Variants in TNIK observed in about 807,000 individuals in gnomAD.
The protein encoded by TNIK is TRAF2 and NCK-interacting protein kinase.
A neutral mutation model predicts 191.3 loss-of-function variants in TNIK; 49 were observed. The observed-to-expected ratio is 0.26, with a 90% CI of 0.20 to 0.32. The LOEUF (loss-of-function observed/expected upper bound fraction) is 0.32. Ranked by LOEUF, TNIK falls within the 10% of genes least tolerant of loss-of-function variation. The probability of loss-of-function intolerance (pLI) is 1.00; values close to 1 mark genes in which losing one functional copy is unlikely to be tolerated. For synonymous variants in TNIK, 594 were observed against 600.9 expected, an observed-to-expected ratio of 0.99 and a Z score of 0.17; for missense variants, 1,155 against 1,702.3, an observed-to-expected ratio of 0.68 and a Z score of 5.66.
intron 1 of TNIK, among the ~76,000 whole-genome samples, chr3:171,459,233 C>G (rs924152872): frequency 6.6e-6 from 1 of 152,038 alleles, no homozygotes; most frequent in Non-Finnish European, 1.5e-5. Flanking sequence ...CAGACACACA[C>G]ACACACACAC....
chr3:171,263,366 G>A (rs960065653), intron 2 of TNIK, among the ~76,000 whole-genome samples: 1 of 152,132 alleles, frequency 6.6e-6, no homozygotes, highest in African/African-American at 2.4e-5. Flanking sequence ...AATAAATCAA[G>A]AATCAGAGCA....
At chr3:171,089,632 AC>A (rs1721814678) in intron 23 of TNIK, among the ~76,000 whole-genome samples, 2 of 152,100 alleles carry the variant, frequency 1.3e-5, no homozygotes, top group Non-Finnish European at 2.9e-5. Context: ...CTGAGTCATC[AC>A]CCTTTTGTTC....
intron 15 of TNIK, among the ~76,000 whole-genome samples, chr3:171,132,181 T>C (rs1481814954): frequency 6.6e-6 from 1 of 152,200 alleles, no homozygotes; most frequent in African/African-American, 2.4e-5. Context: ...GTGAAGGTGC[T>C]AGACCATAAC....
At chr3:171,456,245 A>G (rs1728784864) in intron 1 of TNIK, among the ~76,000 whole-genome samples, 1 of 152,302 alleles carries the variant, frequency 6.6e-6, no homozygotes, top group East Asian at 1.9e-4. Context: ...TAATCTCCAA[A>G]AAGCTTTCTG....
chr3:171,401,587 G>A (rs1720966464), intron 1 of TNIK, among the ~76,000 whole-genome samples: 1 of 151,968 alleles, frequency 6.6e-6, no homozygotes, highest in African/African-American at 2.4e-5. Context: ...AATAGTCTCT[G>A]TGCACTGCTC....
intron 6 of TNIK, 50 bp downstream of exon 6, chr3:171,190,647 T>C (rs879100896): frequency 7.1e-7 from 1 of 1,414,260 alleles, no homozygotes; most frequent in South Asian, 1.3e-5. Flanking sequence ...GCTGTTAATA[T>C]AATCTCATCA....
At chr3:171,365,561 G>T (rs982881049) in intron 2 of TNIK, among the ~76,000 whole-genome samples, 13 of 151,992 alleles carry the variant, frequency 8.6e-5, no homozygotes, top group Admixed American at 8.5e-4. Context: ...GGGTTGAAAT[G>T]GTAAACATTT....
At chr3:171,361,294 C>T (rs548461428) in intron 2 of TNIK, among the ~76,000 whole-genome samples, 17 of 152,318 alleles carry the variant, frequency 1.1e-4, no homozygotes, top group African/African-American at 2.9e-4. Context: ...GTGAAGGCTG[C>T]GAACCACTAG....
chr3:171,334,876 T>C (rs1486944385), intron 2 of TNIK, among the ~76,000 whole-genome samples: 1 of 19,042 alleles, frequency 5.3e-5, no homozygotes, highest in African/African-American at 2.8e-4. Flanking sequence ...TATAAGTTTC[T>C]TTTTTTTTTT....
intron 1 of TNIK, among the ~76,000 whole-genome samples, chr3:171,424,011 C>G (rs1396466659): frequency 6.6e-6 from 1 of 152,146 alleles, no homozygotes; most frequent in Non-Finnish European, 1.5e-5. Flanking sequence ...AGAGCTTCTG[C>G]ACAGCAAAAG....
intron 7 of TNIK, among the ~76,000 whole-genome samples, chr3:171,179,768 G>C (rs1383686588): frequency 6.6e-6 from 1 of 152,126 alleles, no homozygotes; most frequent in Non-Finnish European, 1.5e-5. Context: ...GGGTTTTATG[G>C]TTGATAGACA....
intron 2 of TNIK, among the ~76,000 whole-genome samples, chr3:171,339,857 A>G (rs1757339537): frequency 6.6e-6 from 1 of 152,222 alleles, no homozygotes; most frequent in Admixed American, 6.5e-5. Context: ...GGCATACACC[A>G]GCTCATGGGC....
intron 25 of TNIK, among the ~76,000 whole-genome samples, chr3:171,084,578 A>G (rs562835028): frequency 9.2e-5 from 14 of 152,326 alleles, no homozygotes; most frequent in African/African-American, 3.1e-4. Flanking sequence ...AAAGTCCCAA[A>G]TTAAATACAC....
intron 2 of TNIK, among the ~76,000 whole-genome samples, chr3:171,352,039 T>C (rs1713293850): frequency 6.6e-6 from 1 of 152,182 alleles, no homozygotes; most frequent in African/African-American, 2.4e-5. Flanking sequence ...CCTGGGAGTC[T>C]CGTTAAAAAG....
chr3:171,325,949 C>T lies in TNIK; in HGVS notation c.123+43671G>A, dbSNP rs141894852. The stretch of plus-strand genomic sequence containing the variant: ...CTTGCAGAATTGTGCCCACTCTTCT[C>T]GAGCCTCATCTGCTCTATCCAGAAT... On this transcript the variant is annotated intron_variant, in intron 2 of 32. Transcript: ENST00000436636. 5.1e-3 allele frequency among the ~76,000 whole-genome samples: 773 copies of T among 152,276 alleles called. 8 individuals carry two copies. Among genetic ancestry groups the T allele is most frequent in the Non-Finnish European group, 8.2e-3 (560 of 68,028 alleles).
At chr3:171,202,681 A>G (rs1392245877) in intron 4 of TNIK, among the ~76,000 whole-genome samples, 3 of 152,244 alleles carry the variant, frequency 2.0e-5, no homozygotes, top group Non-Finnish European at 4.4e-5. Context: ...TTCATAAAAT[A>G]GCTCTATTAA....
chr3:171,282,333 GGTTTTTT>G (rs1354138534), intron 2 of TNIK, among the ~76,000 whole-genome samples: 4 of 109,678 alleles, frequency 3.6e-5, no homozygotes, highest in South Asian at 2.6e-4. Flanking sequence ...TTCTCTTAAT[GGTTTTTT>G]GTTTTTTTTT....
At chr3:171,381,725 A>G (rs532811116) in intron 1 of TNIK, among the ~76,000 whole-genome samples, 21 of 152,316 alleles carry the variant, frequency 1.4e-4, no homozygotes, top group African/African-American at 4.6e-4. Flanking sequence ...AATGGTATGT[A>G]AGCAGAATTA....
At chr3:171,166,993 C>G (rs565372182) in intron 10 of TNIK, 102 bp downstream of exon 10, 2 of 1,419,496 alleles carry the variant, frequency 1.4e-6, no homozygotes, top group East Asian at 5.0e-5. Flanking sequence ...AAGAATAATG[C>G]AGGCCCATTT....
Sources: allele counts gnomAD v4.1 joint callset (sites outside exome capture counted in the v4.1 genomes callset), GRCh38; gene constraint gnomAD v4.1.1; transcripts MANE v1.5; gene names NCBI Gene and HGNC (gene_info 2026-07-23, HGNC 2026-07-21).